CTNNA3: variants seen among roughly 807,000 people sequenced by gnomAD.
CTNNA3 encodes the protein catenin alpha-3.
CTNNA3 carries 76 observed loss-of-function variants against 95.7 expected under a neutral mutation model. That is an observed-to-expected ratio of 0.79 (90% CI 0.66 to 0.96). The LOEUF (loss-of-function observed/expected upper bound fraction) is 0.96, where lower values mean the gene tolerates loss of function less well. Among genes scored for constraint, CTNNA3 ranks in the 40% least tolerant of loss-of-function variants. The pLI is 0.00. For missense variants in CTNNA3, 1,191 were observed against 1,089.8 expected (o/e 1.09, Z -1.31); for synonymous variants, 431 against 374.4 (o/e 1.15, Z -1.74).
intron 9 of CTNNA3, among the ~76,000 whole-genome samples, chr10:66,717,376 G>A (rs943950329): frequency 3.3e-5 from 5 of 152,054 alleles, no homozygotes; most frequent in African/African-American, 1.2e-4. Context: ...CTGATAGCAC[G>A]TTGGACAAAC....
At chr10:66,417,533 CAG>C (rs937512099) in intron 11 of CTNNA3, among the ~76,000 whole-genome samples, 3 of 151,946 alleles carry the variant, frequency 2.0e-5, no homozygotes, top group Non-Finnish European at 4.4e-5. Context: ...ACAGACCTAA[CAG>C]ATATTTATAG....
chr10:66,807,587 C>T (rs866895678), intron 7 of CTNNA3, among the ~76,000 whole-genome samples: 1 of 152,092 alleles, frequency 6.6e-6, no homozygotes, highest in Non-Finnish European at 1.5e-5. Flanking sequence ...TGAACCCACC[C>T]GTTGTGTGGG....
intron 7 of CTNNA3, among the ~76,000 whole-genome samples, chr10:66,911,668 C>T (rs867332452): frequency 1.3e-5 from 2 of 152,142 alleles, no homozygotes; most frequent in East Asian, 3.9e-4. Context: ...TCTCTCTGGT[C>T]TACATTTTTA....
At chr10:66,381,727 T>C (rs1350277262) in intron 11 of CTNNA3, among the ~76,000 whole-genome samples, 1 of 152,174 alleles carries the variant, frequency 6.6e-6, no homozygotes, top group Non-Finnish European at 1.5e-5. Flanking sequence ...AAAACCTTCA[T>C]TATAAATTAA....
At chr10:66,297,187 T>C (rs982899801) in intron 12 of CTNNA3, among the ~76,000 whole-genome samples, 9 of 152,142 alleles carry the variant, frequency 5.9e-5, no homozygotes, top group African/African-American at 2.2e-4. Context: ...AATCCAGTCC[T>C]ATACACACAT....
intron 5 of CTNNA3, among the ~76,000 whole-genome samples, chr10:67,251,391 T>G (rs961450048): frequency 6.6e-6 from 1 of 152,124 alleles, no homozygotes; most frequent in African/African-American, 2.4e-5. Flanking sequence ...TGCTCTAAAA[T>G]TAGGTTATAT....
At chr10:66,369,504 T>C (rs1325813521) in intron 12 of CTNNA3, among the ~76,000 whole-genome samples, 2 of 152,226 alleles carry the variant, frequency 1.3e-5, no homozygotes, top group East Asian at 1.9e-4. Context: ...GTGTTTACAG[T>C]TTTTTTGTTT....
At chr10:66,250,726 C>T (rs1037053747) in intron 13 of CTNNA3, among the ~76,000 whole-genome samples, 1 of 152,112 alleles carries the variant, frequency 6.6e-6, no homozygotes, top group Non-Finnish European at 1.5e-5. Flanking sequence ...TTTGTCTATG[C>T]TTCTATTGTT....
chr10:66,163,966 A>T (rs1472432135), intron 13 of CTNNA3, among the ~76,000 whole-genome samples: 1 of 152,200 alleles, frequency 6.6e-6, no homozygotes, highest in Admixed American at 6.5e-5. Context: ...GTTGGTACAT[A>T]TTTGAGTAAC....
intron 12 of CTNNA3, among the ~76,000 whole-genome samples, chr10:66,306,513 G>A (rs1350643526): frequency 3.9e-5 from 6 of 152,128 alleles, no homozygotes; most frequent in Non-Finnish European, 8.8e-5. Flanking sequence ...TAGAATTTAT[G>A]GCTGTGCCTA....
chr10:66,231,422 A>G (rs964973109), intron 13 of CTNNA3, among the ~76,000 whole-genome samples: 3 of 152,130 alleles, frequency 2.0e-5, no homozygotes, highest in African/African-American at 7.2e-5. Context: ...TGATGAAGTC[A>G]TTTGAAATAT....
intron 7 of CTNNA3, among the ~76,000 whole-genome samples, chr10:67,118,277 A>C (rs1377222184): frequency 6.6e-6 from 1 of 151,976 alleles, no homozygotes; most frequent in Non-Finnish European, 1.5e-5. Context: ...TTCCCAAACC[A>C]CATGCTAGGA....
At chr10:67,471,926 T>C (rs1847843305) in intron 5 of CTNNA3, among the ~76,000 whole-genome samples, 1 of 152,228 alleles carries the variant, frequency 6.6e-6, no homozygotes, top group Non-Finnish European at 1.5e-5. Context: ...AGATCAATGA[T>C]GGAAACCATT....
rs1170268691 is a variant in CTNNA3 at position 67,650,775 on chromosome 10, G to A, written c.-5-3257C>T. 2.0e-5 allele frequency among the ~76,000 whole-genome samples: 3 copies of A among 152,166 alleles called. No individual in the cohort carries two copies. The East Asian group carries it at 5.8e-4, about 29-fold the overall frequency. On this transcript the variant is annotated intron_variant, in intron 1 of 17. Transcript: ENST00000433211. ...TCTATTACAGCACGAACCACGTTGT[G>A]TTTTCATCGTGCCCTGGCAGCAAAG... is the stretch of plus-strand genomic sequence containing the variant.
At chr10:67,242,887 C>G (rs528494656) in intron 5 of CTNNA3, among the ~76,000 whole-genome samples, 1 of 152,162 alleles carries the variant, frequency 6.6e-6, no homozygotes, top group Non-Finnish European at 1.5e-5. Context: ...GAATAATTAA[C>G]CTCACTTCAG....
chr10:66,551,093 T>C (rs1842201294), intron 10 of CTNNA3, among the ~76,000 whole-genome samples: 1 of 152,176 alleles, frequency 6.6e-6, no homozygotes. Context: ...TCTCAAGACA[T>C]GACGGAAGGT....
Position 67,561,732 on chromosome 10 carries a change from A to G in CTNNA3, c.293-22063T>C, listed in dbSNP as rs187184646. Among the ~76,000 whole-genome samples, 617 of 152,278 alleles carry G rather than the reference A, an allele frequency of 4.1e-3. 5 individuals carry two copies. Among genetic ancestry groups the G allele is most frequent in the Non-Finnish European group, 7.1e-3 (483 of 68,026 alleles). Reference sequence around the variant, plus strand: ...TTTTGAAAGGATCAACAAAATTGATAGACTGCTAGCAAGACTAAGAAAGAC... The same window carrying G: ...TTTTGAAAGGATCAACAAAATTGATGGACTGCTAGCAAGACTAAGAAAGAC... On this transcript the variant is annotated intron_variant, in intron 3 of 17. Transcript: ENST00000433211.
chr10:66,680,423 AC>A (rs1394054083), intron 9 of CTNNA3, among the ~76,000 whole-genome samples: 2 of 152,188 alleles, frequency 1.3e-5, no homozygotes, highest in African/African-American at 4.8e-5. Context: ...TAGTATAATA[AC>A]AAAGAAGAGT....
intron 3 of CTNNA3, among the ~76,000 whole-genome samples, chr10:67,552,167 G>A (rs1405179102): frequency 1.3e-5 from 2 of 152,088 alleles, no homozygotes; most frequent in Non-Finnish European, 2.9e-5. Context: ...GGATAACAAC[G>A]CACATTCAAG....
Sources: gnomAD v4.1 joint callset for allele counts (sites outside exome capture counted in the v4.1 genomes callset) on GRCh38, gnomAD v4.1.1 for gene constraint, MANE v1.5 for transcripts, NCBI Gene and HGNC (gene_info 2026-07-23, HGNC 2026-07-21) for gene names.